Variants in RLF observed in about 807,000 individuals in gnomAD.
RLF encodes zinc finger protein Rlf.
Under a neutral mutation model 162.9 loss-of-function variants are expected in RLF, and 7 were observed. The observed-to-expected ratio is 0.04, with a 90% CI of 0.02 to 0.08. The LOEUF (loss-of-function observed/expected upper bound fraction) is 0.08, where lower values mean the gene tolerates loss of function less well. RLF is among the 10% of genes least tolerant of loss of function. The pLI, the probability that RLF is intolerant of heterozygous loss-of-function variation, is 1.00. For missense variants in RLF, 1,664 were observed against 2,244.7 expected (o/e 0.74, Z 5.23); for synonymous variants, 782 against 791.5 (o/e 0.99, Z 0.20).
At chr1:40,181,404 T>G (rs1232033604) in intron 1 of RLF, among the ~76,000 whole-genome samples, 1 of 152,172 alleles carries the variant, frequency 6.6e-6, no homozygotes, top group African/African-American at 2.4e-5. Context: ...CACTCCAGCC[T>G]GGGCAGCAGA....
intron 5 of RLF, among the ~76,000 whole-genome samples, chr1:40,214,287 G>A (rs912297569): frequency 2.0e-5 from 3 of 152,112 alleles, no homozygotes; most frequent in African/African-American, 7.2e-5. Flanking sequence ...GAAATTAAGA[G>A]TTCTAATCAC....
At chr1:40,221,899 C>CAAAAAAAAAAAAAAAAAAAAAAAA (rs895455745) in intron 5 of RLF, among the ~76,000 whole-genome samples, 27 of 65,030 alleles carry the variant, frequency 4.2e-4, no homozygotes, top group Non-Finnish European at 6.7e-4. Context: ...GACTCCGTCT[C>CAAAAAAAAAAAAAAAAAAAAAAAA]AAAAAAAAAA....
intron 5 of RLF, among the ~76,000 whole-genome samples, chr1:40,204,892 G>T (rs1279140586): frequency 6.6e-6 from 1 of 152,138 alleles, no homozygotes; most frequent in Non-Finnish European, 1.5e-5. Context: ...ATAAATAAGA[G>T]AATTTTCATA....
intron 5 of RLF, among the ~76,000 whole-genome samples, chr1:40,212,850 A>T (rs1275536993): frequency 1.3e-5 from 2 of 152,192 alleles, no homozygotes; most frequent in Non-Finnish European, 2.9e-5. Flanking sequence ...CCCAGTGGGA[A>T]TTCAGTTTGG....
chr1:40,172,167 A>G (rs1642254308), intron 1 of RLF, among the ~76,000 whole-genome samples: 1 of 151,272 alleles, frequency 6.6e-6, no homozygotes, highest in Admixed American at 6.6e-5. Context: ...TTTTTAAACT[A>G]TAAAAGCACT....
At chr1:40,171,046 A>G (rs1642237594) in intron 1 of RLF, among the ~76,000 whole-genome samples, 1 of 152,054 alleles carries the variant, frequency 6.6e-6, no homozygotes, top group Admixed American at 6.6e-5. Context: ...TTTAATTTAG[A>G]GACAGGATCG....
chr1:40,202,716 C>G, intron 5 of RLF, 102 bp downstream of exon 5: 1 of 683,192 alleles, frequency 1.5e-6, no homozygotes, highest in South Asian at 2.4e-5. Context: ...AACCAAGATT[C>G]ATTTTTTTCA....
chr1:40,213,969 C>T (rs2124548834), intron 5 of RLF, among the ~76,000 whole-genome samples: 1 of 152,346 alleles, frequency 6.6e-6, no homozygotes. Context: ...CCTGTTATTA[C>T]TGTTGTTTAA....
rs375323824 is a variant in RLF, at chr1:40,237,695, G to A, written c.2993G>A (p.Gly998Asp). The change falls in exon 8 of 8, where the codon GGT (glycine) becomes GAT (aspartate). Residue 998 changes from glycine to aspartate, a missense_variant. Transcript: ENST00000372771. This position sits in a 1 kb window ranked among gnomAD's most constrained non-coding sequence, Gnocchi z 4.4. ...ACGAAAGATCTGTTTCCCTCTTTGG[G>A]TAATGAACATAATCAGACAACTGAA... ...IKTKDLFPSL[G>D]NEHNQTTEKL... 6.2e-7 allele frequency: 1 copy of A among 1,614,090 alleles called. No individual in the cohort carries two copies. The highest frequency in any genetic ancestry group is 1.7e-5 in the Admixed American group (1 of 60,010).
intron 5 of RLF, among the ~76,000 whole-genome samples, chr1:40,211,057 A>G (rs1642858669): frequency 1.3e-5 from 2 of 152,176 alleles, no homozygotes; most frequent in Admixed American, 6.5e-5. Flanking sequence ...TCTTACATTC[A>G]TTTCTTGTCT....
At chr1:40,173,453 A>G (rs1642274705) in intron 1 of RLF, among the ~76,000 whole-genome samples, 1 of 151,334 alleles carries the variant, frequency 6.6e-6, no homozygotes, top group African/African-American at 2.4e-5. Context: ...TATTATGACT[A>G]TTTAAAAATG....
chr1:40,238,999 A>G lies in RLF; in HGVS notation c.4297A>G (p.Asn1433Asp), dbSNP rs996304334. ...KLKHHLMEQHNIEGEIHSDYE... is the reference protein window; with the variant it reads ...KLKHHLMEQHDIEGEIHSDYE... ...GAAGCACCACTTGATGGAACAGCAT[A>G]ATATTGAAGGGGAAATACATTCAGA... The change falls in exon 8 of 8, where the codon AAT (asparagine) becomes GAT (aspartate). Residue 1433 changes from asparagine to aspartate, a missense_variant. Asn to Asp is a conservative substitution (Grantham distance 23). Around this residue, in one of 15 missense-constraint regions of RLF, gnomAD observed 200 missense variants for 207.3 expected, o/e 0.96. Coordinates refer to ENST00000372771, the MANE Select transcript of RLF (RefSeq NM_012421.4). The surrounding 1 kb of genome is among the most constrained non-coding windows in gnomAD (Gnocchi z 5.2). 2.5e-6 allele frequency: 4 copies of G among 1,614,100 alleles called. No individual in the cohort carries two copies. Among genetic ancestry groups the G allele is most frequent in the African/African-American group, 2.7e-5 (2 of 74,946 alleles).
In RLF at chr1:40,202,524, A is replaced by G. The variant is rs371978603; in HGVS notation, c.720A>G (p.Glu240=). Residue 240 remains glutamate (E), a synonymous_variant, in exon 5 of 8, where the codon GAA becomes GAG. Transcript: ENST00000372771. ...CTGCTTTATCAAAACTATGTGCAGA[A>G]TCTAAAGAAATTTCAAATGTGTCAT... ...QATALSKLCA[E]SKEISNVSSF... is the part of the protein sequence containing the mutation. 21 of 1,568,120 alleles carry G rather than the reference A, an allele frequency of 1.3e-5. No homozygotes were observed. Among genetic ancestry groups the G allele is most frequent in the Non-Finnish European group, 1.7e-5 (20 of 1,166,674 alleles).
At chr1:40,186,237 A>C (rs1570527632) in intron 1 of RLF, among the ~76,000 whole-genome samples, 1 of 152,048 alleles carries the variant, frequency 6.6e-6, no homozygotes, top group Non-Finnish European at 1.5e-5. Context: ...GGGAGGCTGA[A>C]GTGGGAGGAT....
chr1:40,169,982 A>G (rs1055314928), intron 1 of RLF, among the ~76,000 whole-genome samples: 6 of 151,938 alleles, frequency 3.9e-5, no homozygotes, highest in Non-Finnish European at 5.9e-5. Flanking sequence ...GAGCCACCAC[A>G]CGTGGCCATG....
intron 1 of RLF, among the ~76,000 whole-genome samples, chr1:40,182,199 C>T (rs1169009714): frequency 1.3e-5 from 2 of 151,992 alleles, no homozygotes; most frequent in Non-Finnish European, 2.9e-5. Context: ...TTTGGGAGCC[C>T]GAGGTGAGCA....
At chr1:40,187,188 C>T (rs1033954581) in intron 1 of RLF, among the ~76,000 whole-genome samples, 4 of 150,404 alleles carry the variant, frequency 2.7e-5, no homozygotes, top group South Asian at 2.1e-4. Flanking sequence ...CGCGCCACCA[C>T]GCCCATCTCT....
intron 1 of RLF, among the ~76,000 whole-genome samples, chr1:40,169,205 C>T (rs1642206021): frequency 6.6e-6 from 1 of 152,120 alleles, no homozygotes; most frequent in Admixed American, 6.6e-5. Context: ...AAGTAACTTT[C>T]CCAGGATCAC....
At chr1:40,184,246 T>G (rs568709848) in intron 1 of RLF, among the ~76,000 whole-genome samples, 40 of 152,344 alleles carry the variant, frequency 2.6e-4, no homozygotes, top group African/African-American at 9.1e-4. Context: ...ATTTTCCCCT[T>G]GGACATTAAT....
Sources: allele counts gnomAD v4.1 joint callset (sites outside exome capture counted in the v4.1 genomes callset), GRCh38; gene constraint gnomAD v4.1.1; regional missense constraint gnomAD v4.1.1; non-coding constraint Gnocchi (gnomAD v3.1); transcripts MANE v1.5; gene names NCBI Gene and HGNC (gene_info 2026-07-23, HGNC 2026-07-21).